Variants in SLC35D2 observed in about 807,000 individuals in gnomAD.
The protein encoded by SLC35D2 is nucleotide sugar transporter SLC35D2.
A neutral mutation model predicts 41.8 loss-of-function variants in SLC35D2; 43 were observed. The ratio of observed to expected loss-of-function variants is 1.03; its 90% CI spans 0.81 to 1.33. The LOEUF (loss-of-function observed/expected upper bound fraction) is 1.33. SLC35D2 is among the 40% of genes most tolerant of loss of function. The pLI is 0.00. For missense variants in SLC35D2, 380 were observed against 408.4 expected (o/e 0.93, Z 0.60); for synonymous variants, 150 against 163.9 (o/e 0.92, Z 0.65).
rs989793311 is a variant in SLC35D2 at position 96,313,814 on chromosome 9, C to A, written c.*2121G>T. On this transcript the variant is annotated 3_prime_UTR_variant and NMD_transcript_variant, in exon 12 of 12. Transcript: ENST00000650065. ...GTGGTAGCCTCTGGTCTTGTCAGAT[C>A]ATCTCTCCCCAGTGTGGAACAGCCT... 2.4e-4 allele frequency among the ~76,000 whole-genome samples: 37 copies of A among 152,330 alleles called. 1 individual carries two copies. The highest frequency in any genetic ancestry group is 7.7e-4 in the African/African-American group (32 of 41,570).
chr9:96,331,669 C>A (rs1435644462), intron 9 of SLC35D2, among the ~76,000 whole-genome samples: 1 of 152,128 alleles, frequency 6.6e-6, no homozygotes, highest in Non-Finnish European at 1.5e-5. Flanking sequence ...TAGATTGAGA[C>A]CTGTCTCACA....
In SLC35D2 at chr9:96,383,465, G is replaced by A; in HGVS notation, c.158+12C>T. 2.0e-6 allele frequency: 3 copies of A among 1,524,324 alleles called. No individual in the cohort carries two copies. The highest frequency in any genetic ancestry group is 2.0e-5 in the Admixed American group (1 of 49,794). 94.4% of individuals were successfully genotyped at this position (1,524,324 alleles called of 1,614,324 possible). A position where few individuals can be genotyped will look rare whatever the true frequency, so the allele number is the denominator to read the frequency against. ...ACTCCCGCAGACCCCCCGGCCCCGG[G>A]CCCCGCCTCACCCGTAGGTGGTCAG... On this transcript the variant is annotated intron_variant, in intron 1 of 11. Coordinates refer to ENST00000253270, the MANE Select transcript of SLC35D2 (RefSeq NM_007001.3).
intron 4 of SLC35D2, among the ~76,000 whole-genome samples, chr9:96,359,509 G>A (rs1830176038): frequency 6.6e-6 from 1 of 151,582 alleles, no homozygotes; most frequent in African/African-American, 2.4e-5. Context: ...GGCCAACATG[G>A]TGAAACCCTG....
chr9:96,323,649 G>A (rs57222054), intron 10 of SLC35D2, among the ~76,000 whole-genome samples: 22,192 of 151,956 alleles, frequency 0.15, 1,905 homozygotes, highest in East Asian at 0.29. Context: ...AGACGGGGCC[G>A]GGCTCGGTGG....
At chr9:96,330,826 C>T (rs1828774306) in intron 9 of SLC35D2, among the ~76,000 whole-genome samples, 1 of 152,164 alleles carries the variant, frequency 6.6e-6, no homozygotes, top group African/African-American at 2.4e-5. Context: ...GCCTCCCTCG[C>T]AAATTGCTCA....
chr9:96,313,527 C>T (rs898448801), exon 12 of SLC35D2, among the ~76,000 whole-genome samples: 1 of 152,292 alleles, frequency 6.6e-6, no homozygotes, highest in Admixed American at 6.5e-5. Flanking sequence ...CCAGACTCCC[C>T]AGGTATCACC....
At chr9:96,329,649 G>C (rs1009270655) in intron 9 of SLC35D2, among the ~76,000 whole-genome samples, 2 of 152,218 alleles carry the variant, frequency 1.3e-5, no homozygotes, top group Admixed American at 6.5e-5. Context: ...CCATTTGCAA[G>C]TTTGATAATT....
chr9:96,336,995 T>G (rs1564094774), intron 8 of SLC35D2, among the ~76,000 whole-genome samples: 1 of 152,132 alleles, frequency 6.6e-6, no homozygotes, highest in East Asian at 1.9e-4. Context: ...CTAGCTTATT[T>G]AAAAAAAGGA....
chr9:96,335,421 G>A lies in SLC35D2; in HGVS notation c.752+1296C>T, dbSNP rs112821678. On this transcript the variant is annotated intron_variant, in intron 9 of 11. Transcript: ENST00000253270. Reference sequence around the variant, plus strand: ...GTCACCCAGGCTGGAGTGCCGTGGCGCGATCTTGGCTCACTGCAACCTCCA... The same window carrying A: ...GTCACCCAGGCTGGAGTGCCGTGGCACGATCTTGGCTCACTGCAACCTCCA... Among the ~76,000 whole-genome samples, 327 of 152,100 alleles carry A rather than the reference G, an allele frequency of 2.1e-3. 2 individuals carry two copies. The highest frequency in any genetic ancestry group is 6.5e-3 in the African/African-American group (269 of 41,502).
At chr9:96,361,405 G>T (rs1268040266) in intron 3 of SLC35D2, among the ~76,000 whole-genome samples, 1 of 152,164 alleles carries the variant, frequency 6.6e-6, no homozygotes, top group East Asian at 1.9e-4. Context: ...GAAGAGAAGA[G>T]GCCAGGCACG....
chr9:96,363,620 G>GA (rs1489016829), intron 3 of SLC35D2, among the ~76,000 whole-genome samples: 2 of 152,148 alleles, frequency 1.3e-5, no homozygotes, highest in Admixed American at 1.3e-4. Flanking sequence ...TTCCAGGACG[G>GA]AAAAAACTGC....
At chr9:96,358,895 C>T (rs1439925793) in intron 4 of SLC35D2, among the ~76,000 whole-genome samples, 2 of 151,876 alleles carry the variant, frequency 1.3e-5, no homozygotes, top group Admixed American at 6.6e-5. Flanking sequence ...GCAGGAGAAT[C>T]GCTTGAACCC....
intron 2 of SLC35D2, among the ~76,000 whole-genome samples, chr9:96,366,298 G>GA (rs369811519): frequency 0.011 from 756 of 70,244 alleles, 6 homozygotes; most frequent in African/African-American, 0.029. Context: ...CCAGACACTG[G>GA]AAAAAAAAAA....
At chr9:96,366,985 C>A (rs1454566889) in intron 2 of SLC35D2, among the ~76,000 whole-genome samples, 1 of 150,850 alleles carries the variant, frequency 6.6e-6, no homozygotes, top group Non-Finnish European at 1.5e-5. Flanking sequence ...CTTTGGGAGG[C>A]CGAGGTGGGT....
At chr9:96,321,951 A>G (rs1447467485) in intron 11 of SLC35D2, 47 bp downstream of exon 11, 1 of 1,101,984 alleles carries the variant, frequency 9.1e-7, no homozygotes, top group Non-Finnish European at 1.4e-6. Context: ...CAGAGTGTTT[A>G]AGGTTCTTGT....
chr9:96,317,002 G>A (rs1227905513), downstream of SLC35D2, among the ~76,000 whole-genome samples: 1 of 151,884 alleles, frequency 6.6e-6, no homozygotes, highest in African/African-American at 2.4e-5. Context: ...GCCGGGTGTA[G>A]TGGCGGGCGC....
intron 9 of SLC35D2, among the ~76,000 whole-genome samples, chr9:96,325,347 T>C (rs16910762): frequency 0.13 from 20,288 of 152,164 alleles, 1,809 homozygotes; most frequent in East Asian, 0.29. Context: ...GAAACATGGA[T>C]GGTACAAGGA....
chr9:96,373,065 A>C (rs1203747761), intron 1 of SLC35D2, among the ~76,000 whole-genome samples: 4 of 151,582 alleles, frequency 2.6e-5, no homozygotes, highest in Non-Finnish European at 4.4e-5. Flanking sequence ...ACGCCTGGCT[A>C]ATTTTTGTAT....
chr9:96,341,147 T>A (rs770167871), intron 8 of SLC35D2, among the ~76,000 whole-genome samples: 4 of 151,598 alleles, frequency 2.6e-5, no homozygotes, highest in African/African-American at 9.7e-5. Flanking sequence ...ATTAGCTGGG[T>A]GTGGTGGTGC....
Sources: gnomAD v4.1 joint callset for allele counts (sites outside exome capture counted in the v4.1 genomes callset) on GRCh38, gnomAD v4.1.1 for gene constraint, MANE v1.5 for transcripts, NCBI Gene and HGNC (gene_info 2026-07-23, HGNC 2026-07-21) for gene names.